EVC2: variants seen among roughly 807,000 people sequenced by gnomAD.
EVC2 encodes limbin.
Under a neutral mutation model 149.3 loss-of-function variants are expected in EVC2, and 148 were observed. That is an observed-to-expected ratio of 0.99 (90% CI 0.87 to 1.14). The LOEUF (loss-of-function observed/expected upper bound fraction) is 1.14, where lower values mean the gene tolerates loss of function less well. Ranked by LOEUF, EVC2 falls within the 50% of genes most tolerant of loss-of-function variation. The pLI, the probability that EVC2 is intolerant of heterozygous loss-of-function variation, is 0.00. For missense variants in EVC2, 1,854 were observed against 1,627.3 expected (o/e 1.14, Z -2.40); for synonymous variants, 776 against 649.9 (o/e 1.19, Z -2.95).
At position 5,708,534 on chromosome 4, in the gene EVC2, C is replaced by G; in HGVS notation, c.-21G>C. On this transcript the variant is annotated 5_prime_UTR_variant, in exon 1 of 22. Coordinates refer to ENST00000344408, the MANE Select transcript of EVC2 (RefSeq NM_147127.5). ...TCCATCGCCTGTCGGGACCCGCTAC[C>G]TCAAAGCGGCGGGTGCCGCCGAGTC... The G allele has an allele frequency of 7.1e-7, 1 of 1,412,072 alleles. No individual in the cohort carries two copies. The highest frequency in any genetic ancestry group is 9.2e-7 in the Non-Finnish European group (1 of 1,086,556). 87.5% of individuals were successfully genotyped at this position (1,412,072 alleles called of 1,614,324 possible).
intron 9 of EVC2, among the ~76,000 whole-genome samples, chr4:5,654,649 G>C (rs1439851011): frequency 6.6e-6 from 1 of 152,208 alleles, no homozygotes; most frequent in Non-Finnish European, 1.5e-5. Flanking sequence ...ACTGTGCCTG[G>C]AGTGAGGAGA....
intron 2 of EVC2, among the ~76,000 whole-genome samples, chr4:5,695,055 G>C (rs571742652): frequency 3.4e-4 from 51 of 152,150 alleles, no homozygotes; most frequent in African/African-American, 1.1e-3. Flanking sequence ...CCTCCAATAG[G>C]AAATGACTCC....
intron 9 of EVC2, among the ~76,000 whole-genome samples, chr4:5,646,988 A>G (rs1307964197): frequency 6.6e-6 from 1 of 152,202 alleles, no homozygotes; most frequent in Non-Finnish European, 1.5e-5. Flanking sequence ...CTTGGAAGCT[A>G]TGTCTGTGAG....
At chr4:5,638,868 A>G (rs6850210) in intron 10 of EVC2, among the ~76,000 whole-genome samples, 23,633 of 152,126 alleles carry the variant, frequency 0.16, 2,673 homozygotes, top group African/African-American at 0.31. Context: ...TGAACCAAAC[A>G]TGGAAGGATC....
chr4:5,600,484 G>A (rs1713888808), intron 16 of EVC2, among the ~76,000 whole-genome samples: 2 of 152,176 alleles, frequency 1.3e-5, no homozygotes, highest in East Asian at 1.9e-4. Flanking sequence ...GATGCCTAGT[G>A]AAGAATAGTG....
chr4:5,699,287 T>A (rs761591361), intron 1 of EVC2, among the ~76,000 whole-genome samples: 1 of 152,224 alleles, frequency 6.6e-6, no homozygotes, highest in Non-Finnish European at 1.5e-5. Flanking sequence ...GCCAAACATC[T>A]GGCTTCAGTT....
At chr4:5,572,483 T>C (rs958049348) in intron 19 of EVC2, among the ~76,000 whole-genome samples, 2 of 152,140 alleles carry the variant, frequency 1.3e-5, no homozygotes, top group Non-Finnish European at 2.9e-5. Context: ...CTCTGCCACA[T>C]AAGGACCCGG....
chr4:5,539,432 A>T (rs1721474085), downstream of EVC2, among the ~76,000 whole-genome samples: 1 of 152,202 alleles, frequency 6.6e-6, no homozygotes, highest in African/African-American at 2.4e-5. Context: ...ATTGAGAAGT[A>T]ATTCTAAAAT....
chr4:5,668,947 G>C (rs1719452791), intron 7 of EVC2, among the ~76,000 whole-genome samples: 1 of 152,178 alleles, frequency 6.6e-6, no homozygotes, highest in Admixed American at 6.5e-5. Flanking sequence ...CTGGGTCACA[G>C]TGAGTCCTAA....
chr4:5,666,446 A>T (rs1439933658), intron 7 of EVC2, among the ~76,000 whole-genome samples: 1 of 152,182 alleles, frequency 6.6e-6, no homozygotes, highest in East Asian at 1.9e-4. Flanking sequence ...AATTATTCCA[A>T]ATCAGGCTAC....
chr4:5,599,003 A>C (rs527823394), intron 16 of EVC2, among the ~76,000 whole-genome samples: 2,220 of 152,214 alleles, frequency 0.015, 46 homozygotes, highest in African/African-American at 0.05. Flanking sequence ...GAGAAATGCA[A>C]ATCAAAACCA....
chr4:5,565,224 C>T (rs779794518), intron 21 of EVC2, 34 bp downstream of exon 21: 1 of 1,607,062 alleles, frequency 6.2e-7, no homozygotes, highest in South Asian at 1.1e-5. Context: ...AGCTCACCCC[C>T]TCCCCAGCCA....
rs371142214 is a variant in EVC2 at position 5,576,319 on chromosome 4, C to G, written c.3193G>C (p.Asp1065His). The part of the protein sequence containing the change: ...PGILNEPGEV[D>H]SERQVSTVLH... ...ACAGTAGAGACCTGCCTTTCAGAAT[C>G]CACCTCCCCAGGTTCGTTCAGAATC... is the stretch of plus-strand genomic sequence containing the variant. The change falls in exon 18 of 22, where the codon GAT becomes CAT. Residue 1065 changes from aspartate (D) to histidine (H), a missense_variant. By Grantham distance (81) the Asp-to-His change is moderately conservative (BLOSUM62 -1). Coordinates refer to ENST00000344408, the MANE Select transcript of EVC2 (RefSeq NM_147127.5). This position sits in a 1 kb window ranked among gnomAD's most constrained non-coding sequence, Gnocchi z 4.5. 26 of 1,614,050 alleles carry G rather than the reference C, an allele frequency of 1.6e-5. No individual in the cohort carries two copies. The highest frequency in any genetic ancestry group is 2.0e-5 in the Non-Finnish European group (24 of 1,180,036).
chr4:5,555,017 CGTGTGTGTGT>C (rs35387388), intron 21 of EVC2, among the ~76,000 whole-genome samples: 8 of 149,210 alleles, frequency 5.4e-5, no homozygotes, highest in African/African-American at 9.8e-5. Flanking sequence ...AGAGAGGAAG[CGTGTGTGTGT>C]GTGTGTGTGT....
At chr4:5,655,634 T>C (rs1426582199) in intron 9 of EVC2, among the ~76,000 whole-genome samples, 1 of 151,122 alleles carries the variant, frequency 6.6e-6, no homozygotes, top group Admixed American at 6.6e-5. Flanking sequence ...ATATGGGAAA[T>C]AGACACAACT....
In EVC2 at chr4:5,640,181, G is replaced by A. The variant is rs573974935; in HGVS notation, c.1470+333C>T. ...GGCATGGATGGGAGGGTGGATAAAT[G>A]AGTAGGTGGATGAACAGACAGATGG... is the stretch of plus-strand genomic sequence containing the variant. On this transcript the variant is annotated intron_variant, in intron 10 of 21. Transcript: ENST00000344408. The surrounding 1 kb of genome is among the most constrained non-coding windows in gnomAD (Gnocchi z 4.6). Among the ~76,000 whole-genome samples the A allele has an allele frequency of 6.6e-6, 1 of 152,126 alleles. No homozygotes were observed. Among genetic ancestry groups the A allele is most frequent in the African/African-American group, 2.4e-5 (1 of 41,516 alleles).
chr4:5,596,694 G>A (rs762240092), intron 16 of EVC2, among the ~76,000 whole-genome samples: 82 of 152,078 alleles, frequency 5.4e-4, no homozygotes, highest in Non-Finnish European at 1.0e-3. Context: ...TCAAAAGCTA[G>A]CAGAAGGCAA....
chr4:5,588,825 C>G (rs537537808), intron 16 of EVC2, among the ~76,000 whole-genome samples: 4 of 152,172 alleles, frequency 2.6e-5, no homozygotes, highest in African/African-American at 9.6e-5. Flanking sequence ...ACTGTTTTAC[C>G]CCATTTATGC....
At chr4:5,547,400 T>A (rs7676213) in intron 21 of EVC2, among the ~76,000 whole-genome samples, 1 of 152,154 alleles carries the variant, frequency 6.6e-6, no homozygotes, top group Non-Finnish European at 1.5e-5. Context: ...AGGGGGCAGA[T>A]CCCCAGTGAG....
Sources: gnomAD v4.1 joint callset for allele counts (sites outside exome capture counted in the v4.1 genomes callset) on GRCh38, gnomAD v4.1.1 for gene constraint, Gnocchi (gnomAD v3.1) non-coding constraint, MANE v1.5 for transcripts, NCBI Gene and HGNC (gene_info 2026-07-23, HGNC 2026-07-21) for gene names.